Variants in TASP1 observed in about 807,000 individuals in gnomAD.
TASP1 encodes the protein taspase 1, also known as threonine aspartase 1.
Under a neutral mutation model 56.6 loss-of-function variants are expected in TASP1, and 16 were observed. The observed-to-expected ratio is 0.28, with a 90% CI of 0.19 to 0.43. The LOEUF (loss-of-function observed/expected upper bound fraction) is 0.43. Among genes scored for constraint, TASP1 ranks in the 20% least tolerant of loss-of-function variants. The pLI is 1.00. For missense variants in TASP1, 393 were observed against 511.6 expected, an observed-to-expected ratio of 0.77 and a Z score of 2.24; for synonymous variants, 179 against 184.2, an observed-to-expected ratio of 0.97 and a Z score of 0.23.
At chr20:13,216,607 T>A in the TASP1 span, among the ~76,000 whole-genome samples, 1 of 152,140 alleles carries the variant, frequency 6.6e-6, no homozygotes, top group Non-Finnish European at 1.5e-5. Context: ...AAGTTTGCCA[T>A]CCCTCCAGCC....
At chr20:13,139,188 A>G in the TASP1 span, among the ~76,000 whole-genome samples, 2 of 152,218 alleles carry the variant, frequency 1.3e-5, no homozygotes, top group Non-Finnish European at 2.9e-5. Flanking sequence ...CTTGGTGACT[A>G]GTAACAAGAG....
the TASP1 span, among the ~76,000 whole-genome samples, chr20:13,183,689 A>G: frequency 1.6e-4 from 24 of 152,174 alleles, no homozygotes; most frequent in Non-Finnish European, 2.8e-4. Flanking sequence ...ACAATGAACA[A>G]TGGCAGATTA....
the TASP1 span, among the ~76,000 whole-genome samples, chr20:13,287,895 G>T: frequency 2.0e-5 from 3 of 152,308 alleles, no homozygotes; most frequent in East Asian, 5.8e-4. Context: ...AGGAGTTCAG[G>T]CAGGGCCACT....
intron 10 of TASP1, among the ~76,000 whole-genome samples, chr20:13,514,007 A>G (rs766502866): frequency 2.6e-5 from 4 of 152,308 alleles, no homozygotes; most frequent in East Asian, 1.9e-4. Flanking sequence ...GAAGGAAAGC[A>G]TAACAGGTAG....
At chr20:13,215,723 T>C in the TASP1 span, among the ~76,000 whole-genome samples, 1 of 152,236 alleles carries the variant, frequency 6.6e-6, no homozygotes, top group Non-Finnish European at 1.5e-5. Flanking sequence ...TGGTGGTCTC[T>C]TGCATTCTCT....
chr20:13,605,596 T>C (rs1391585367), intron 4 of TASP1, among the ~76,000 whole-genome samples: 2 of 152,032 alleles, frequency 1.3e-5, no homozygotes, highest in African/African-American at 4.8e-5. Context: ...GGGAGACTGC[T>C]TGAGCTCAGG....
chr20:13,400,690 A>T (rs1323482659), intron 13 of TASP1, among the ~76,000 whole-genome samples: 1 of 152,212 alleles, frequency 6.6e-6, no homozygotes, highest in Non-Finnish European at 1.5e-5. Context: ...AGTACCTACC[A>T]CTTACTGCAT....
chr20:13,214,562 CAGAGAGAG>C, the TASP1 span, among the ~76,000 whole-genome samples: 1 of 111,300 alleles, frequency 9.0e-6, no homozygotes, highest in Non-Finnish European at 2.0e-5. Flanking sequence ...CACACACACA[CAGAGAGAG>C]AGAGAGAGAG....
At chr20:13,536,550 GAAGTC>G (rs1357517962) in intron 8 of TASP1, among the ~76,000 whole-genome samples, 12 of 152,084 alleles carry the variant, frequency 7.9e-5, no homozygotes, top group Non-Finnish European at 1.5e-4. Context: ...TAACAACAGA[GAAGTC>G]AAGAAAGGGT....
At chr20:13,156,473 T>C in the TASP1 span, among the ~76,000 whole-genome samples, 43 of 152,338 alleles carry the variant, frequency 2.8e-4, 2 homozygotes, top group South Asian at 7.0e-3. Context: ...AATTTGATTC[T>C]TCCTCTTCCT....
intron 10 of TASP1, among the ~76,000 whole-genome samples, chr20:13,510,441 G>C (rs991721258): frequency 2.2e-4 from 34 of 152,028 alleles, no homozygotes; most frequent in Admixed American, 2.2e-3. Flanking sequence ...CAAACTTTGT[G>C]GTGGCATTTT....
At chr20:13,128,139 G>A in the TASP1 span, among the ~76,000 whole-genome samples, 2 of 152,222 alleles carry the variant, frequency 1.3e-5, no homozygotes, top group Non-Finnish European at 2.9e-5. Context: ...TTAACATTGT[G>A]TCTGGAGACA....
intron 8 of TASP1, among the ~76,000 whole-genome samples, chr20:13,546,037 T>C (rs2045797647): frequency 6.6e-6 from 1 of 152,216 alleles, no homozygotes; most frequent in African/African-American, 2.4e-5. Context: ...ATGGCATGAT[T>C]TCTTTTTATT....
chr20:13,270,717 A>T, the TASP1 span: 1 of 1,613,914 alleles, frequency 6.2e-7, no homozygotes, highest in Non-Finnish European at 8.5e-7. Flanking sequence ...CAAAGCTGAT[A>T]TCAATGGGCA....
chr20:13,274,332 C>T, the TASP1 span, among the ~76,000 whole-genome samples: 1 of 152,162 alleles, frequency 6.6e-6, no homozygotes, highest in Non-Finnish European at 1.5e-5. Flanking sequence ...TGGTCCCTGA[C>T]GGTCCCTGCC....
At chr20:13,458,937 G>T (rs1445705368) in intron 11 of TASP1, among the ~76,000 whole-genome samples, 2 of 152,164 alleles carry the variant, frequency 1.3e-5, no homozygotes, top group African/African-American at 4.8e-5. Context: ...TGTAAATGAG[G>T]TTTATGGAAA....
intron 10 of TASP1, among the ~76,000 whole-genome samples, chr20:13,510,997 C>T (rs919421445): frequency 6.6e-6 from 1 of 152,108 alleles, no homozygotes; most frequent in African/African-American, 2.4e-5. Flanking sequence ...GCTTTCCACC[C>T]ACCCACAGTC....
chr20:13,521,252 G>C (rs1229842771), intron 10 of TASP1, among the ~76,000 whole-genome samples: 3 of 152,164 alleles, frequency 2.0e-5, no homozygotes, highest in Non-Finnish European at 4.4e-5. Context: ...AATACCATTT[G>C]ACCCAGCAAT....
the TASP1 span, among the ~76,000 whole-genome samples, chr20:13,201,652 A>C: frequency 6.6e-6 from 1 of 152,078 alleles, no homozygotes; most frequent in Non-Finnish European, 1.5e-5. Flanking sequence ...ACTATCATAA[A>C]TATAGGTTTA....
Sources: allele counts gnomAD v4.1 joint callset (sites outside exome capture counted in the v4.1 genomes callset), GRCh38; gene constraint gnomAD v4.1.1; transcripts MANE v1.5; gene names NCBI Gene and HGNC (gene_info 2026-07-23, HGNC 2026-07-21).